The following ATP2A3 variants were observed in gnomAD, a reference collection of about 807,000 sequenced individuals.
ATP2A3 encodes ATPase sarcoplasmic/endoplasmic reticulum Ca2+ transporting 3.
ATP2A3 carries 61 observed loss-of-function variants against 106.8 expected under a neutral mutation model. The ratio of observed to expected loss-of-function variants is 0.57; its 90% CI spans 0.46 to 0.71. The LOEUF (loss-of-function observed/expected upper bound fraction) is 0.71. Ranked by LOEUF, ATP2A3 falls within the 30% of genes least tolerant of loss-of-function variation. The pLI, the probability that ATP2A3 is intolerant of heterozygous loss-of-function variation, is 0.00. For synonymous variants in ATP2A3, 611 were observed against 609.3 expected, an observed-to-expected ratio of 1.00 and a Z score of -0.04; for missense variants, 1,201 against 1,423.5, an observed-to-expected ratio of 0.84 and a Z score of 2.52.
At position 3,953,782 on chromosome 17, in the gene ATP2A3, G is replaced by T. The variant is rs915729113; in HGVS notation, c.119-72C>A. On this transcript the variant is annotated intron_variant, in intron 1 of 20. Coordinates refer to ENST00000397041, the MANE Select transcript of ATP2A3 (RefSeq NM_005173.4). This position sits in a 1 kb window ranked among gnomAD's most constrained non-coding sequence, Gnocchi z 5.1. ...AGTGGGTCACGCAGGGGCCTCGGGG[G>T]AGTCTGGCAGTGCCTCCCCACCGTG... 7 of 1,517,126 alleles carry T rather than the reference G, an allele frequency of 4.6e-6. No individual in the cohort carries two copies. Among genetic ancestry groups the T allele is most frequent in the Admixed American group, 2.0e-5 (1 of 51,044 alleles). 94.0% of individuals were successfully genotyped at this position (1,517,126 alleles called of 1,614,324 possible).
At chr17:3,956,038 C>A (rs555202328) in intron 1 of ATP2A3, among the ~76,000 whole-genome samples, 4 of 152,130 alleles carry the variant, frequency 2.6e-5, no homozygotes, top group Non-Finnish European at 5.9e-5. Context: ...CCTGCCACCA[C>A]GCCCAGCTAA....
chr17:3,953,358 G>A lies in ATP2A3; in HGVS notation c.208C>T (p.Leu70Phe), dbSNP rs1004953406. 3 of 1,614,016 alleles carry A rather than the reference G, an allele frequency of 1.9e-6. No homozygotes were observed. Among genetic ancestry groups the A allele is most frequent in the Non-Finnish European group, 2.5e-6 (3 of 1,180,004 alleles). ...LLVRILLLAALVSFVLAWFEE... is the reference protein window; with the variant it reads ...LLVRILLLAAFVSFVLAWFEE... ...AGGGCCCTACTTACAAAGGAGACAA[G>A]GGCAGCCAGCAGCAGGATGCGCACC... Residue 70 changes from leucine (L) to phenylalanine (F), a missense_variant, in exon 3 of 21, where the codon CTT becomes TTT. Around this residue, in one of 2 missense-constraint regions of ATP2A3, gnomAD observed 266 missense variants for 246.8 expected, o/e 1.08. Transcript: ENST00000397041. This position sits in a 1 kb window ranked among gnomAD's most constrained non-coding sequence, Gnocchi z 5.1.
intron 1 of ATP2A3, among the ~76,000 whole-genome samples, chr17:3,961,341 C>G (rs1247912427): frequency 6.6e-6 from 1 of 152,222 alleles, no homozygotes; most frequent in African/African-American, 2.4e-5. Context: ...CTGGCACCTG[C>G]AAAGGTGGGC....
chr17:3,948,797 T>C lies in ATP2A3; in HGVS notation c.631-942A>G, dbSNP rs570741594. Among the ~76,000 whole-genome samples, 396 of 152,234 alleles carry C rather than the reference T, an allele frequency of 2.6e-3. 2 individuals are homozygous for C. The highest frequency in any genetic ancestry group is 0.014 in the Middle Eastern group (4 of 294). ...CTTCCCTCCCCACCCCAAGGCATCCTGTCCAAGGCTTCTATGCAGCTAGGT... is the reference window on the plus strand; with the variant it reads ...CTTCCCTCCCCACCCCAAGGCATCCCGTCCAAGGCTTCTATGCAGCTAGGT... On this transcript the variant is annotated intron_variant, in intron 7 of 20. Transcript: ENST00000397041.
Position 3,925,571 on chromosome 17 carries a change from C to G in ATP2A3, c.2981-130G>C. The G allele has an allele frequency of 8.4e-7, 1 of 1,190,570 alleles. No homozygotes were observed. Among genetic ancestry groups the G allele is most frequent in the Middle Eastern group, 1.9e-4 (1 of 5,320 alleles). 73.8% of individuals were successfully genotyped at this position (1,190,570 alleles called of 1,614,324 possible). The stretch of plus-strand genomic sequence containing the variant: ...CAGGCTCCCAAGGCCTCCCTTAGTC[C>G]AGACCTCAGTCTACCCCAGCCCCAC... On this transcript the variant is annotated intron_variant, in intron 20 of 20. Transcript: ENST00000397041. The surrounding 1 kb of genome is among the most constrained non-coding windows in gnomAD (Gnocchi z 4.2).
Position 3,924,617 on chromosome 17 carries a change from C to T in ATP2A3, c.*805G>A, listed in dbSNP as rs567622696. ...CAAGTTGGACCTCTGCGTGGCAGAC[C>T]GGGCGGCAGTGTGACTCTGAACATC... On this transcript the variant is annotated 3_prime_UTR_variant, in exon 21 of 21. Coordinates refer to ENST00000397041, the MANE Select transcript of ATP2A3 (RefSeq NM_005173.4). This position sits in a 1 kb window ranked among gnomAD's most constrained non-coding sequence, Gnocchi z 6.4. 3.7e-4 allele frequency: 135 copies of T among 368,392 alleles called. No homozygotes were observed. Among genetic ancestry groups the T allele is most frequent in the South Asian group, 1.7e-3 (84 of 50,530 alleles). The allele number at this position is 368,392 out of a possible 1,614,324, so 22.8% of individuals were successfully genotyped here. A position where few individuals can be genotyped will look rare whatever the true frequency, so the allele number is the denominator to read the frequency against.
At position 3,929,561 on chromosome 17, in the gene ATP2A3, C is replaced by T. The variant is rs551553498; in HGVS notation, c.2745-116G>A. On this transcript the variant is annotated intron_variant, in intron 18 of 20. Transcript: ENST00000397041. This position sits in a 1 kb window ranked among gnomAD's most constrained non-coding sequence, Gnocchi z 4.3. ...TAGCGGTGCATTGCTGTTGCCCGCTCGGCCTGCCAGGGCCTGTCCCGGGCT... is the reference window on the plus strand; with the variant it reads ...TAGCGGTGCATTGCTGTTGCCCGCTTGGCCTGCCAGGGCCTGTCCCGGGCT... 17 of 899,210 alleles carry T rather than the reference C, an allele frequency of 1.9e-5. No individual in the cohort carries two copies. The highest frequency in any genetic ancestry group is 9.9e-5 in the African/African-American group (6 of 60,330). 55.7% of individuals were successfully genotyped at this position (899,210 alleles called of 1,614,324 possible).
At position 3,944,691 on chromosome 17, in the gene ATP2A3, G is replaced by A. The variant is rs779032232; in HGVS notation, c.1287+13C>T. 5.0e-6 allele frequency: 8 copies of A among 1,611,320 alleles called. No individual in the cohort carries two copies. The highest frequency in any genetic ancestry group is 6.8e-6 in the Non-Finnish European group (8 of 1,178,564). On this transcript the variant is annotated intron_variant, in intron 10 of 20. Transcript: ENST00000397041. Reference sequence around the variant, plus strand: ...TGGATACTAGGGAGGTCATGAAAGGGGGTGAGGCCCACCTCGTTGTAGTCC... The same window carrying A: ...TGGATACTAGGGAGGTCATGAAAGGAGGTGAGGCCCACCTCGTTGTAGTCC...
In ATP2A3 at chr17:3,935,222, G is replaced by A. The variant is rs368054610; in HGVS notation, c.2580C>T (p.Ala860=). ...GGTAGAAGTTGATGTGAGGTCCCTCGGCGTCATACACAAACCACCAGGTGG... is the reference window on the plus strand; with the variant it reads ...GGTAGAAGTTGATGTGAGGTCCCTCAGCGTCATACACAAACCACCAGGTGG... The part of the protein sequence containing the change: ...AAATWWFVYD[A]EGPHINFYQL... The change falls in exon 17 of 21, where the codon GCC becomes GCT. Residue 860 remains alanine (A), a synonymous_variant. Coordinates refer to ENST00000397041, the MANE Select transcript of ATP2A3 (RefSeq NM_005173.4). The A allele has an allele frequency of 2.6e-5, 42 of 1,613,870 alleles. No homozygotes were observed. The highest frequency in any genetic ancestry group is 4.0e-5 in the African/African-American group (3 of 74,944).
rs757204092 is a variant in ATP2A3, at chr17:3,930,331, A to C, written c.2714T>G (p.Val905Gly). The C allele has an allele frequency of 5.0e-6, 8 of 1,609,106 alleles. No homozygotes were observed. Among genetic ancestry groups the C allele is most frequent in the Non-Finnish European group, 5.9e-6 (7 of 1,177,804 alleles). ...GAGGGCATTGCACATTTCAATGGTC[A>C]CGAGCACGGACAAGGCCATGGTGGT... ...FPTTMALSVL[V>G]TIEMCNALNS... Residue 905 changes from valine to glycine, a missense_variant, in exon 18 of 21, where the codon GTG becomes GGG. Coordinates refer to ENST00000397041, the MANE Select transcript of ATP2A3 (RefSeq NM_005173.4). This position sits in a 1 kb window ranked among gnomAD's most constrained non-coding sequence, Gnocchi z 5.4.
chr17:3,924,877 G>A lies in ATP2A3; in HGVS notation c.*545C>T. ...GAAGCAGAGTGGAGTGGAGGGGGCTGCCCACCCTCGCTGTACACAGCTGGG... is the reference window on the plus strand; with the variant it reads ...GAAGCAGAGTGGAGTGGAGGGGGCTACCCACCCTCGCTGTACACAGCTGGG... On this transcript the variant is annotated 3_prime_UTR_variant, in exon 21 of 21. Transcript: ENST00000397041. The surrounding 1 kb of genome is among the most constrained non-coding windows in gnomAD (Gnocchi z 6.4). 1 of 456,816 alleles carries A rather than the reference G, an allele frequency of 2.2e-6. No homozygotes were observed. The highest frequency in any genetic ancestry group is 1.5e-5 in the South Asian group (1 of 64,530). The allele number at this position is 456,816 out of a possible 1,614,324, so 28.3% of individuals were successfully genotyped here.
chr17:3,943,398 C>G lies in ATP2A3; in HGVS notation c.1412G>C (p.Cys471Ser). The stretch of plus-strand genomic sequence containing the variant: ...GCCCCCAGCCCTGCTCACCGTGTTA[C>G]AGGCGCCAGCTCGCTCCACCCGGGA... Reference protein sequence around the residue: ...ALSRVERAGACNTVIKQLMRK... With the variant: ...ALSRVERAGASNTVIKQLMRK... The change falls in exon 11 of 21, where the codon TGT (cysteine) becomes TCT (serine). Residue 471 changes from cysteine (C) to serine (S), a missense_variant. By Grantham distance (112) the Cys-to-Ser change is moderately radical. Around this residue, in one of 2 missense-constraint regions of ATP2A3, gnomAD observed 935 missense variants for 1,176.7 expected, o/e 0.79. Transcript: ENST00000397041. 3 of 1,613,952 alleles carry G rather than the reference C, an allele frequency of 1.9e-6. No individual in the cohort carries two copies. The highest frequency in any genetic ancestry group is 2.5e-6 in the Non-Finnish European group (3 of 1,179,992).
rs571797898 is a variant in ATP2A3 at position 3,945,165 on chromosome 17, C to A, written c.1096-17G>T. The A allele has an allele frequency of 2.8e-5, 43 of 1,542,218 alleles. 1 individual carries two copies. The African/African-American group carries it at 2.9e-4, about 10-fold the overall frequency. On this transcript the variant is annotated splice_polypyrimidine_tract_variant and intron_variant, in intron 8 of 20. Coordinates refer to ENST00000397041, the MANE Select transcript of ATP2A3 (RefSeq NM_005173.4). ...CACGAACATCTGGGGAGCGCAGGGG[C>A]GTGCTTAGGCGGGCGGGGTCGCCTC...
chr17:3,947,637 G>C lies in ATP2A3; in HGVS notation c.849C>G (p.Ala283=), dbSNP rs766807035. 2.5e-6 allele frequency: 4 copies of C among 1,612,366 alleles called. No homozygotes were observed. In the Admixed American group the frequency reaches 6.7e-5, roughly 27 times the overall value. The change falls in exon 8 of 21, where the codon GCC becomes GCG. Residue 283 remains alanine (A), a synonymous_variant. Coordinates refer to ENST00000397041, the MANE Select transcript of ATP2A3 (RefSeq NM_005173.4). This position sits in a 1 kb window ranked among gnomAD's most constrained non-coding sequence, Gnocchi z 7.7. ...VINIGHFADP[A]HGGSWLRGAV... is the part of the protein sequence containing the mutation. ...CGCCACGCAGCCAGGAGCCACCGTG[G>C]GCCGGGTCGGCGAAGTGGCCGATGT...
Position 3,924,727 on chromosome 17 carries a change from G to C in ATP2A3, c.*695C>G, listed in dbSNP as rs1298901743. On this transcript the variant is annotated 3_prime_UTR_variant, in exon 21 of 21. Coordinates refer to ENST00000397041, the MANE Select transcript of ATP2A3 (RefSeq NM_005173.4). The surrounding 1 kb of genome is among the most constrained non-coding windows in gnomAD (Gnocchi z 6.4). Reference sequence around the variant, plus strand: ...GCCAGGCTTTCCCGACTTGTCTCCCGGGAAAGGACATCCTCGCTCCGCCCT... The same window carrying C: ...GCCAGGCTTTCCCGACTTGTCTCCCCGGAAAGGACATCCTCGCTCCGCCCT... 4.4e-6 allele frequency: 2 copies of C among 456,320 alleles called. No individual in the cohort carries two copies. Among genetic ancestry groups the C allele is most frequent in the African/African-American group, 2.0e-5 (1 of 50,062 alleles). The allele number at this position is 456,320 out of a possible 1,614,324, so 28.3% of individuals were successfully genotyped here.
intron 1 of ATP2A3, among the ~76,000 whole-genome samples, chr17:3,959,190 C>A (rs866680644): frequency 6.6e-6 from 1 of 152,136 alleles, no homozygotes; most frequent in African/African-American, 2.4e-5. Context: ...CTAGCCACCG[C>A]GCCCGGCCTT....
intron 4 of ATP2A3, 51 bp downstream of exon 4, chr17:3,951,530 T>A: frequency 6.4e-7 from 1 of 1,553,304 alleles, no homozygotes; most frequent in Non-Finnish European, 8.7e-7. Context: ...AGGGCACTCC[T>A]AGTGGCTGGG....
rs756191871 is a variant in ATP2A3 at position 3,929,334 on chromosome 17, G to C, written c.2856C>G (p.Pro952=). The C allele has an allele frequency of 6.4e-7, 1 of 1,551,330 alleles. No individual in the cohort carries two copies. Among genetic ancestry groups the C allele is most frequent in the South Asian group, 1.2e-5 (1 of 84,186 alleles). The change falls in exon 19 of 21, where the codon CCC becomes CCG. Residue 952 remains proline (P), a synonymous_variant. Transcript: ENST00000397041. This position sits in a 1 kb window ranked among gnomAD's most constrained non-coding sequence, Gnocchi z 4.3. ...ALHFLILLVP[P]LPLIFQVTPL... ...GGCAGGCGGGGTGACTCACAGGCAG[G>C]GGCGGCACGAGCAGGATGAGGAAGT...
intron 17 of ATP2A3, among the ~76,000 whole-genome samples, chr17:3,932,552 A>G (rs959211177): frequency 3.9e-5 from 6 of 151,986 alleles, no homozygotes; most frequent in African/African-American, 1.5e-4. Flanking sequence ...TGATTGTCCC[A>G]CCGCAGCCTC....
Sources: allele counts gnomAD v4.1 joint callset (sites outside exome capture counted in the v4.1 genomes callset), GRCh38; gene constraint gnomAD v4.1.1; regional missense constraint gnomAD v4.1.1; non-coding constraint Gnocchi (gnomAD v3.1); transcripts MANE v1.5; gene names NCBI Gene and HGNC (gene_info 2026-07-23, HGNC 2026-07-21).